Variants in EPN2 observed in about 807,000 individuals in gnomAD.
The protein encoded by EPN2 is epsin-2.
A neutral mutation model predicts 61.7 loss-of-function variants in EPN2; 34 were observed. The observed-to-expected ratio is 0.55, with a 90% CI of 0.42 to 0.73. EPN2 has a LOEUF of 0.73. Among genes scored for constraint, EPN2 ranks in the 30% least tolerant of loss-of-function variants. The pLI is 0.00. For missense variants in EPN2, 714 were observed against 839.2 expected, an observed-to-expected ratio of 0.85 and a Z score of 1.84; for synonymous variants, 349 against 353.6, an observed-to-expected ratio of 0.99 and a Z score of 0.15.
intron 7 of EPN2, 127 bp downstream of exon 7, chr17:19,313,406 C>A: frequency 1.2e-6 from 1 of 802,376 alleles, no homozygotes; most frequent in Non-Finnish European, 1.9e-6. Flanking sequence ...CTCCTCCAGC[C>A]CTCAGCAGTG....
intron 10 of EPN2, among the ~76,000 whole-genome samples, chr17:19,332,818 C>A (rs781074760): frequency 6.6e-6 from 1 of 152,244 alleles, no homozygotes; most frequent in Non-Finnish European, 1.5e-5. Flanking sequence ...CACCCAGCCC[C>A]CTTCCTCACG....
intron 1 of EPN2, among the ~76,000 whole-genome samples, chr17:19,246,861 G>A (rs945541968): frequency 3.5e-5 from 5 of 142,090 alleles, no homozygotes; most frequent in African/African-American, 1.3e-4. Context: ...CTCCGCCCCC[G>A]GGTTCACGCC....
intron 1 of EPN2, among the ~76,000 whole-genome samples, chr17:19,242,366 G>T (rs985875293): frequency 6.6e-6 from 1 of 152,188 alleles, no homozygotes; most frequent in Non-Finnish European, 1.5e-5. Flanking sequence ...ACTTGAACCT[G>T]GGAAGGGGAG....
intron 7 of EPN2, among the ~76,000 whole-genome samples, chr17:19,318,549 C>CAAAAAAAAAAAAAAATAAAAAAAA (rs1906494634): frequency 4.0e-5 from 1 of 24,770 alleles, no homozygotes; most frequent in African/African-American, 1.2e-4. Flanking sequence ...GACTCCATCT[C>CAAAAAAAAAAAAAAATAAAAAAAA]AAAAAAAAAA....
At chr17:19,245,295 G>A (rs1308316447) in intron 1 of EPN2, among the ~76,000 whole-genome samples, 1 of 152,152 alleles carries the variant, frequency 6.6e-6, no homozygotes, top group East Asian at 1.9e-4. Flanking sequence ...TTCCTTGAGC[G>A]AAGGGGACAT....
intron 6 of EPN2, among the ~76,000 whole-genome samples, chr17:19,312,380 G>A (rs1188846645): frequency 1.3e-5 from 2 of 152,222 alleles, no homozygotes; most frequent in Admixed American, 6.5e-5. Context: ...TAAAATGGAG[G>A]TGATGATAGT....
At chr17:19,319,684 G>C (rs189608003) in intron 7 of EPN2, among the ~76,000 whole-genome samples, 71 of 149,088 alleles carry the variant, frequency 4.8e-4, no homozygotes, top group African/African-American at 1.7e-3. Flanking sequence ...GTTTCCCTCT[G>C]TTGCCCAGGC....
At chr17:19,264,481 C>T (rs566889910) in intron 1 of EPN2, among the ~76,000 whole-genome samples, 2 of 152,168 alleles carry the variant, frequency 1.3e-5, no homozygotes, top group Non-Finnish European at 2.9e-5. Flanking sequence ...CTACAGCTCT[C>T]TCATGTTCCT....
chr17:19,301,106 G>A (rs541480461), intron 4 of EPN2, among the ~76,000 whole-genome samples: 1 of 152,248 alleles, frequency 6.6e-6, no homozygotes, highest in Non-Finnish European at 1.5e-5. Flanking sequence ...GCAGGTGCTG[G>A]GGGAGGATGG....
At chr17:19,242,784 C>T (rs1312261547) in intron 1 of EPN2, among the ~76,000 whole-genome samples, 1 of 152,248 alleles carries the variant, frequency 6.6e-6, no homozygotes, top group Non-Finnish European at 1.5e-5. Flanking sequence ...TAGGCTCATC[C>T]TGGGGGACGG....
intron 4 of EPN2, among the ~76,000 whole-genome samples, chr17:19,299,663 AG>A (rs1905373961): frequency 1.3e-5 from 2 of 152,248 alleles, no homozygotes; most frequent in South Asian, 4.1e-4. Flanking sequence ...CAGCCCGAAG[AG>A]AATGGCACAA....
chr17:19,304,626 A>G (rs1309698632), intron 4 of EPN2, among the ~76,000 whole-genome samples: 2 of 152,226 alleles, frequency 1.3e-5, no homozygotes, highest in African/African-American at 4.8e-5. Context: ...TCCACAGGGA[A>G]GAGCCAACTG....
At position 19,331,685 on chromosome 17, in the gene EPN2, T is replaced by G. The variant is rs570637322; in HGVS notation, c.1412-168T>G. On this transcript the variant is annotated intron_variant, in intron 9 of 10. Coordinates refer to ENST00000314728, the MANE Select transcript of EPN2 (RefSeq NM_014964.5). ...TCTTCTGTTCCTGCATGCTGGTGTT[T>G]CGTTATGTGGACACTTGATTTATCT... Among the ~76,000 whole-genome samples, 263 of 152,346 alleles carry G rather than the reference T, an allele frequency of 1.7e-3. 1 individual carries two copies. Among genetic ancestry groups the G allele is most frequent in the Non-Finnish European group, 2.3e-3 (157 of 68,028 alleles).
chr17:19,245,959 C>A (rs2044943261), intron 1 of EPN2, among the ~76,000 whole-genome samples: 1 of 152,094 alleles, frequency 6.6e-6, no homozygotes. Context: ...GCCACCATGC[C>A]CGGCCCTTCT....
chr17:19,298,491 C>T (rs766855155), intron 4 of EPN2, among the ~76,000 whole-genome samples: 13 of 152,212 alleles, frequency 8.5e-5, no homozygotes, highest in Non-Finnish European at 1.9e-4. Flanking sequence ...GCGTGAGCCA[C>T]GGCACCCGGC....
At chr17:19,304,693 C>T (rs1905737200) in intron 4 of EPN2, among the ~76,000 whole-genome samples, 1 of 152,190 alleles carries the variant, frequency 6.6e-6, no homozygotes. Context: ...CCCACAGGCC[C>T]CACTGTCTTC....
chr17:19,289,614 G>C (rs949901792), intron 4 of EPN2, among the ~76,000 whole-genome samples: 5 of 151,918 alleles, frequency 3.3e-5, no homozygotes, highest in Non-Finnish European at 7.4e-5. Context: ...GAAGGTCTGA[G>C]AAGTCTGGAG....
At chr17:19,328,228 A>T (rs1906986360) in intron 7 of EPN2, among the ~76,000 whole-genome samples, 1 of 152,172 alleles carries the variant, frequency 6.6e-6, no homozygotes, top group Non-Finnish European at 1.5e-5. Flanking sequence ...TTCTGTCAGA[A>T]AGCAGAAACC....
intron 1 of EPN2, among the ~76,000 whole-genome samples, chr17:19,237,789 C>T (rs1406913588): frequency 6.6e-6 from 1 of 152,156 alleles, no homozygotes; most frequent in Non-Finnish European, 1.5e-5. Flanking sequence ...AAGGATCTCC[C>T]CCCTTACCCG....
Sources: gnomAD v4.1 joint callset for allele counts (sites outside exome capture counted in the v4.1 genomes callset) on GRCh38, gnomAD v4.1.1 for gene constraint, MANE v1.5 for transcripts, NCBI Gene and HGNC (gene_info 2026-07-23, HGNC 2026-07-21) for gene names.